The following EPHB1 variants were observed in gnomAD, a reference collection of about 807,000 sequenced individuals.
The protein encoded by EPHB1 is ephrin type-B receptor 1.
A neutral mutation model predicts 94.4 loss-of-function variants in EPHB1; 30 were observed. The observed-to-expected ratio is 0.32, with a 90% CI of 0.24 to 0.43. The LOEUF is 0.43. Ranked by LOEUF, EPHB1 falls within the 20% of genes least tolerant of loss-of-function variation. The probability of loss-of-function intolerance (pLI) is 1.00; values close to 1 mark genes in which losing one functional copy is unlikely to be tolerated. For missense variants in EPHB1, 1,055 were observed against 1,308.3 expected (o/e 0.81, Z 2.99); for synonymous variants, 522 against 489.1 (o/e 1.07, Z -0.89).
At chr3:134,856,163 G>A (rs1246585306) in intron 1 of EPHB1, among the ~76,000 whole-genome samples, 1 of 152,214 alleles carries the variant, frequency 6.6e-6, no homozygotes, top group African/African-American at 2.4e-5. Context: ...CCACCTTGGG[G>A]TTGGGAAAGG....
At chr3:134,798,726 G>T (rs775116052) in intron 1 of EPHB1, among the ~76,000 whole-genome samples, 2 of 152,218 alleles carry the variant, frequency 1.3e-5, no homozygotes, top group Admixed American at 6.5e-5. Context: ...AGCTTGTTGA[G>T]AATGGGCTGC....
chr3:135,053,845 A>T (rs1033288476), intron 3 of EPHB1, among the ~76,000 whole-genome samples: 2 of 152,126 alleles, frequency 1.3e-5, no homozygotes, highest in African/African-American at 4.8e-5. Flanking sequence ...TTTCAAAAAT[A>T]TCTGGGTGTG....
At chr3:135,146,079 G>A (rs1941000091) in intron 5 of EPHB1, among the ~76,000 whole-genome samples, 1 of 152,204 alleles carries the variant, frequency 6.6e-6, no homozygotes, top group African/African-American at 2.4e-5. Flanking sequence ...GTAGATCACA[G>A]TGCACTGTGT....
At chr3:134,814,820 G>A (rs1032838978) in intron 1 of EPHB1, among the ~76,000 whole-genome samples, 1 of 152,198 alleles carries the variant, frequency 6.6e-6, no homozygotes. Flanking sequence ...GTGGTGGTCT[G>A]GACCAGCTCT....
chr3:135,197,827 T>G (rs1470880912), intron 11 of EPHB1, among the ~76,000 whole-genome samples: 1 of 152,228 alleles, frequency 6.6e-6, no homozygotes, highest in Non-Finnish European at 1.5e-5. Context: ...GTTTTTTTTT[T>G]TCTTATCTTG....
intron 3 of EPHB1, among the ~76,000 whole-genome samples, chr3:135,074,892 T>G (rs1196107682): frequency 6.6e-6 from 1 of 151,864 alleles, no homozygotes; most frequent in African/African-American, 2.4e-5. Flanking sequence ...GGGGTGGAAA[T>G]GAGGAGTGAG....
intron 5 of EPHB1, among the ~76,000 whole-genome samples, chr3:135,150,190 A>G (rs2107693600): frequency 6.6e-6 from 1 of 152,332 alleles, no homozygotes; most frequent in African/African-American, 2.4e-5. Flanking sequence ...TAAATACATG[A>G]TGTTTCAGCT....
intron 1 of EPHB1, among the ~76,000 whole-genome samples, chr3:134,876,975 A>G (rs2037629367): frequency 1.3e-5 from 2 of 152,290 alleles, no homozygotes; most frequent in Non-Finnish European, 2.9e-5. Context: ...CATGTGTTAC[A>G]TTGAGCTCTG....
intron 11 of EPHB1, among the ~76,000 whole-genome samples, chr3:135,195,221 T>C (rs1338204228): frequency 6.6e-6 from 1 of 152,030 alleles, no homozygotes; most frequent in African/African-American, 2.4e-5. Flanking sequence ...TTGGGGACTG[T>C]GATCACACTC....
chr3:135,255,840 T>A (rs1251565471), intron 15 of EPHB1, among the ~76,000 whole-genome samples: 5 of 142,462 alleles, frequency 3.5e-5, no homozygotes, highest in Non-Finnish European at 6.1e-5. Flanking sequence ...CCATTATTAA[T>A]GTGTGGGAGT....
intron 1 of EPHB1, among the ~76,000 whole-genome samples, chr3:134,908,922 T>C (rs1016587830): frequency 2.0e-5 from 3 of 151,228 alleles, no homozygotes; most frequent in Admixed American, 6.6e-5. Context: ...GATAGAGAGA[T>C]GAAGTGAGCC....
At chr3:135,232,165 A>G (rs1943546977) in intron 12 of EPHB1, among the ~76,000 whole-genome samples, 1 of 152,244 alleles carries the variant, frequency 6.6e-6, no homozygotes, top group South Asian at 2.1e-4. Context: ...CTTAGTTGTT[A>G]TGAGTCTTGT....
In EPHB1 at chr3:135,166,928, C is replaced by T. The variant is rs35774847; in HGVS notation, c.1695-14C>T. 558 of 1,613,934 alleles carry T rather than the reference C, an allele frequency of 3.5e-4. 1 individual carries two copies. The African/African-American group carries it at 6.8e-3, about 20-fold the overall frequency. On this transcript the variant is annotated splice_polypyrimidine_tract_variant and intron_variant, in intron 8 of 15. Transcript: ENST00000398015. Reference sequence around the variant, plus strand: ...GTGCCCTGTGGCTGAGAGAGCCCCTCTTTTTATCCACAGGAAACGGGCTTA... The same window carrying T: ...GTGCCCTGTGGCTGAGAGAGCCCCTTTTTTTATCCACAGGAAACGGGCTTA...
chr3:135,083,386 G>C (rs973491825), intron 3 of EPHB1, among the ~76,000 whole-genome samples: 2 of 152,132 alleles, frequency 1.3e-5, no homozygotes, highest in South Asian at 4.1e-4. Context: ...TTTAACAATA[G>C]CTCAGAACGT....
At chr3:135,032,010 G>A (rs191332739) in intron 3 of EPHB1, among the ~76,000 whole-genome samples, 8 of 152,010 alleles carry the variant, frequency 5.3e-5, no homozygotes, top group Admixed American at 1.3e-4. Context: ...GATTTTCTTC[G>A]TTGGAAGCAT....
intron 3 of EPHB1, among the ~76,000 whole-genome samples, chr3:135,062,622 C>T (rs920282120): frequency 6.6e-6 from 1 of 151,916 alleles, no homozygotes; most frequent in African/African-American, 2.4e-5. Flanking sequence ...AAGACTTTTT[C>T]CCACTCTGTG....
chr3:134,808,106 A>G (rs1441380420), intron 1 of EPHB1, among the ~76,000 whole-genome samples: 4 of 152,228 alleles, frequency 2.6e-5, no homozygotes, highest in Admixed American at 6.5e-5. Flanking sequence ...GCAGGGATGA[A>G]TGGAGACTAA....
At chr3:135,046,450 A>G (rs142129848) in intron 3 of EPHB1, among the ~76,000 whole-genome samples, 2 of 151,728 alleles carry the variant, frequency 1.3e-5, no homozygotes, top group Non-Finnish European at 2.9e-5. Context: ...TGCATGTTTG[A>G]TCGTCTTAAC....
chr3:135,039,463 G>A (rs568614444), intron 3 of EPHB1, among the ~76,000 whole-genome samples: 77 of 152,352 alleles, frequency 5.1e-4, no homozygotes, highest in Admixed American at 1.4e-3. Flanking sequence ...GGGACTGGGC[G>A]CCGTGGAGTA....
Sources: allele counts gnomAD v4.1 joint callset (sites outside exome capture counted in the v4.1 genomes callset), GRCh38; gene constraint gnomAD v4.1.1; transcripts MANE v1.5; gene names NCBI Gene and HGNC (gene_info 2026-07-23, HGNC 2026-07-21).